The following UTRN variants were observed in gnomAD, a reference collection of about 807,000 sequenced individuals.
The protein encoded by UTRN is utrophin, also known as dystrophin-related protein 1.
A neutral mutation model predicts 463.9 loss-of-function variants in UTRN; 283 were observed. That is an observed-to-expected ratio of 0.61 (90% CI 0.55 to 0.67). The LOEUF (loss-of-function observed/expected upper bound fraction) is 0.67. UTRN is among the 30% of genes least tolerant of loss of function. UTRN has a pLI of 0.00. For synonymous variants in UTRN, 1,442 were observed against 1,431.5 expected (o/e 1.01, Z -0.17); for missense variants, 3,922 against 4,084.3 (o/e 0.96, Z 1.08).
chr6:144,350,634 ACTT>A (rs1004909912), intron 2 of UTRN, among the ~76,000 whole-genome samples: 6 of 152,150 alleles, frequency 3.9e-5, no homozygotes, highest in African/African-American at 1.4e-4. Context: ...GTGGAACTGA[ACTT>A]CTCTGCATAT....
chr6:144,775,530 G>A (rs1472930859), intron 60 of UTRN, among the ~76,000 whole-genome samples: 2 of 152,170 alleles, frequency 1.3e-5, no homozygotes, highest in Non-Finnish European at 2.9e-5. Flanking sequence ...CCACGCTCTG[G>A]CTACTGATCA....
chr6:144,539,153 A>T, intron 44 of UTRN, 141 bp from the exon 45 acceptor site: 2 of 959,186 alleles, frequency 2.1e-6, no homozygotes, highest in Non-Finnish European at 2.9e-6. Flanking sequence ...GCATGAGCTT[A>T]AGCTTCTTAT....
rs530150568 is a variant in UTRN, at chr6:144,490,939, G to T, written c.4274G>T (p.Arg1425Leu). Residue 1425 changes from arginine to leucine, a missense_variant, in exon 32 of 75, where the codon CGA (arginine) becomes CTA (leucine). By Grantham distance (102) the Arg-to-Leu change is moderately radical. Around this residue, in one of 3 missense-constraint regions of UTRN, gnomAD observed 2,349 missense variants for 2,303.8 expected, o/e 1.02. Coordinates refer to ENST00000367545, the MANE Select transcript of UTRN (RefSeq NM_007124.3). ...CATTTCTGCAAACAGAGGAAACTCC[G>T]AGAGGTGTCCACAAAGTTCCAGCTT... ...SQMDVLQRKL[R>L]EVSTKFQLFQ... 5 of 1,600,218 alleles carry T rather than the reference G, an allele frequency of 3.1e-6. No homozygotes were observed. In the South Asian group the frequency reaches 4.5e-5, roughly 14 times the overall value.
intron 65 of UTRN, among the ~76,000 whole-genome samples, chr6:144,803,655 A>T (rs1423536745): frequency 1.3e-5 from 2 of 151,420 alleles, no homozygotes; most frequent in African/African-American, 4.9e-5. Context: ...ACACAGTGTA[A>T]TTTTTTTTAG....
chr6:144,406,402 C>T (rs895443941), intron 3 of UTRN, among the ~76,000 whole-genome samples: 1 of 145,618 alleles, frequency 6.9e-6, no homozygotes, highest in African/African-American at 2.7e-5. Context: ...CTCTGTTGCC[C>T]AGTCTGGAGT....
chr6:144,669,247 GA>G (rs1380235002), intron 51 of UTRN, among the ~76,000 whole-genome samples: 1 of 152,120 alleles, frequency 6.6e-6, no homozygotes, highest in Non-Finnish European at 1.5e-5. Context: ...CTAATAAAAA[GA>G]AACTTTGAGT....
intron 62 of UTRN, among the ~76,000 whole-genome samples, chr6:144,789,702 T>A (rs1372454517): frequency 6.6e-6 from 1 of 152,080 alleles, no homozygotes; most frequent in Non-Finnish European, 1.5e-5. Flanking sequence ...AAGCCTAAAC[T>A]TTTTTTTATT....
At chr6:144,700,307 C>T (rs181565154) in intron 53 of UTRN, 64 bp downstream of exon 53, 200 of 1,481,272 alleles carry the variant, frequency 1.4e-4, no homozygotes, top group Non-Finnish European at 1.7e-4. Context: ...ATTTGAAATA[C>T]AATTATAGAT....
chr6:144,735,142 G>A lies in UTRN; in HGVS notation c.7939+4656G>A, dbSNP rs74431383. ...AGTGGGAGATCAAAACTAGCACAGA[G>A]CGTGAGAAAGCAAGCAATGTAAAAG... On this transcript the variant is annotated intron_variant, in intron 54 of 74. Transcript: ENST00000367545. Among the ~76,000 whole-genome samples the A allele has an allele frequency of 1.4e-3, 212 of 152,302 alleles. 2 individuals carry two copies. Among genetic ancestry groups the A allele is most frequent in the African/African-American group, 4.9e-3 (203 of 41,568 alleles).
intron 52 of UTRN, among the ~76,000 whole-genome samples, chr6:144,678,813 T>C (rs1781915529): frequency 6.6e-6 from 1 of 152,184 alleles, no homozygotes; most frequent in South Asian, 2.1e-4. Flanking sequence ...ATATTTTAAA[T>C]CTAACAATAC....
Position 144,423,472 on chromosome 6 carries a change from G to A in UTRN, c.235-77G>A, listed in dbSNP as rs73598904. ...CCTGTACGCTGAGCTTCACTTCTGT[G>A]TGTATCTCAGTGCTAGTGTTAGTCA... On this transcript the variant is annotated intron_variant, in intron 4 of 74. Transcript: ENST00000367545. 4.3e-3 allele frequency: 6,096 copies of A among 1,430,876 alleles called. 192 individuals are homozygous for A. In the African/African-American group the frequency reaches 0.07, roughly 16 times the overall value. 88.6% of individuals were successfully genotyped at this position (1,430,876 alleles called of 1,614,324 possible).
At chr6:144,842,949 C>A (rs1188530981) in intron 73 of UTRN, among the ~76,000 whole-genome samples, 2 of 152,110 alleles carry the variant, frequency 1.3e-5, no homozygotes, top group African/African-American at 2.4e-5. Flanking sequence ...TTTCTAGGCT[C>A]TGTAACCACA....
intron 50 of UTRN, among the ~76,000 whole-genome samples, chr6:144,570,238 A>C (rs540257127): frequency 3.8e-4 from 58 of 152,102 alleles, no homozygotes; most frequent in Non-Finnish European, 7.2e-4. Flanking sequence ...TGGAGGCTGG[A>C]GGAAAGGAGC....
intron 2 of UTRN, among the ~76,000 whole-genome samples, chr6:144,389,949 G>A (rs1781764844): frequency 6.6e-6 from 1 of 152,202 alleles, no homozygotes; most frequent in East Asian, 1.9e-4. Context: ...CAGCATGGGG[G>A]TGGGGGACTT....
chr6:144,488,255 T>C (rs1210657636), intron 29 of UTRN, among the ~76,000 whole-genome samples: 2 of 152,208 alleles, frequency 1.3e-5, no homozygotes, highest in African/African-American at 2.4e-5. Flanking sequence ...TGTACACCTA[T>C]AGAATTTGTT....
At chr6:144,709,279 AC>A (rs1785416192) in intron 53 of UTRN, among the ~76,000 whole-genome samples, 1 of 152,190 alleles carries the variant, frequency 6.6e-6, no homozygotes, top group Non-Finnish European at 1.5e-5. Context: ...AACTTTTAAA[AC>A]CAATTTTTTC....
At chr6:144,765,137 C>G (rs1433863136) in intron 58 of UTRN, among the ~76,000 whole-genome samples, 4 of 152,136 alleles carry the variant, frequency 2.6e-5, no homozygotes, top group Non-Finnish European at 5.9e-5. Context: ...TGAGTATTTG[C>G]ATGTTTATAT....
At chr6:144,627,424 A>C (rs932953348) in intron 51 of UTRN, among the ~76,000 whole-genome samples, 5 of 152,092 alleles carry the variant, frequency 3.3e-5, no homozygotes, top group African/African-American at 1.2e-4. Context: ...CTATTTTGTA[A>C]CTCTGTTAAT....
intron 50 of UTRN, among the ~76,000 whole-genome samples, chr6:144,564,809 G>T (rs1397631747): frequency 6.6e-6 from 1 of 152,086 alleles, no homozygotes; most frequent in Non-Finnish European, 1.5e-5. Flanking sequence ...GGGGATATAG[G>T]GGTTATAATT....
Sources: allele counts gnomAD v4.1 joint callset (sites outside exome capture counted in the v4.1 genomes callset), GRCh38; gene constraint gnomAD v4.1.1; regional missense constraint gnomAD v4.1.1; transcripts MANE v1.5; gene names NCBI Gene and HGNC (gene_info 2026-07-23, HGNC 2026-07-21).